Variants in SVOP observed in about 807,000 individuals in gnomAD.
The protein encoded by SVOP is synaptic vesicle 2-related protein.
SVOP carries 17 observed loss-of-function variants against 69.1 expected under a neutral mutation model. The observed-to-expected ratio is 0.25, with a 90% CI of 0.17 to 0.37. The LOEUF (loss-of-function observed/expected upper bound fraction) is 0.37, where lower values mean the gene tolerates loss of function less well. Ranked by LOEUF, SVOP falls within the 10% of genes least tolerant of loss-of-function variation. SVOP has a pLI of 1.00. For synonymous variants in SVOP, 238 were observed against 238.6 expected (o/e 1.00, Z 0.02); for missense variants, 435 against 597.5 (o/e 0.73, Z 2.84).
At chr12:108,973,391 ATTTGTTTG>A (rs922824541) in intron 4 of SVOP, among the ~76,000 whole-genome samples, 2 of 151,662 alleles carry the variant, frequency 1.3e-5, no homozygotes, top group African/African-American at 4.8e-5. Flanking sequence ...TAATTTATTT[ATTTGTTTG>A]TTTGTTTGTT....
At chr12:108,984,380 G>C (rs2040156623) in intron 1 of SVOP, among the ~76,000 whole-genome samples, 1 of 152,164 alleles carries the variant, frequency 6.6e-6, no homozygotes, top group Non-Finnish European at 1.5e-5. Context: ...TCTTGAAAAA[G>C]TAGAATATCT....
At chr12:108,963,054 G>C (rs1185053722) in intron 5 of SVOP, among the ~76,000 whole-genome samples, 1 of 152,134 alleles carries the variant, frequency 6.6e-6, no homozygotes, top group East Asian at 1.9e-4. Context: ...AAAATTAAGA[G>C]TAAACAAATA....
chr12:108,915,837 G>T lies in SVOP; in HGVS notation c.1386C>A (p.Gly462=). The change falls in exon 15 of 16, where the codon GGC becomes GGA. Residue 462 remains glycine, a synonymous_variant. Coordinates refer to ENST00000610966, the MANE Select transcript of SVOP (RefSeq NM_018711.5). Reference sequence around the variant, plus strand: ...CCACTCTTGCCATGCCGCTGCAGGTGCCCAGGCCGAGGGCCCGCGTTGCCG... The same window carrying T: ...CCACTCTTGCCATGCCGCTGCAGGTTCCCAGGCCGAGGGCCCGCGTTGCCG... ...YPTATRALGL[G]TCSGMARVGA... 6.2e-7 allele frequency: 1 copy of T among 1,608,722 alleles called. No homozygotes were observed. Among genetic ancestry groups the T allele is most frequent in the Non-Finnish European group, 8.5e-7 (1 of 1,177,778 alleles).
At chr12:108,942,926 G>T (rs1221257193) in intron 7 of SVOP, among the ~76,000 whole-genome samples, 1 of 151,942 alleles carries the variant, frequency 6.6e-6, no homozygotes, top group African/African-American at 2.4e-5. Context: ...CACCACACCT[G>T]GTTAATTTTT....
chr12:108,952,125 CT>C (rs1205005938), intron 6 of SVOP, among the ~76,000 whole-genome samples: 1 of 151,984 alleles, frequency 6.6e-6, no homozygotes, highest in East Asian at 1.9e-4. Flanking sequence ...AACTGCCTCA[CT>C]GCAGAATCAT....
rs146224666 is a variant in SVOP, at chr12:108,910,003, A to T, written c.*2532T>A. ...GAGATGGAGTCTTGCTCTGTCGCCC[A>T]GGCTGGAGTGCAGTGGCGCGATCTC... On this transcript the variant is annotated 3_prime_UTR_variant, in exon 16 of 16. Transcript: ENST00000610966. The T allele has an allele frequency of 0.071, 10,824 of 152,548 alleles. 432 individuals carry two copies. The highest frequency in any genetic ancestry group is 0.12 in the African/African-American group (4,805 of 41,534). The allele number at this position is 152,548 out of a possible 1,614,324, so 9.4% of individuals were successfully genotyped here. A position where few individuals can be genotyped will look rare whatever the true frequency, so the allele number is the denominator to read the frequency against.
intron 1 of SVOP, among the ~76,000 whole-genome samples, chr12:109,011,994 T>C (rs2040344249): frequency 6.6e-6 from 1 of 151,858 alleles, no homozygotes; most frequent in South Asian, 2.1e-4. Flanking sequence ...AAAAAAAATT[T>C]CAGTTAGGCT....
intron 1 of SVOP, among the ~76,000 whole-genome samples, chr12:109,015,206 C>A (rs1382775741): frequency 6.6e-6 from 1 of 152,054 alleles, no homozygotes; most frequent in East Asian, 1.9e-4. Context: ...GCCTGGCTGG[C>A]ATGGCTGAGG....
chr12:108,967,443 G>A (rs1165480830), intron 5 of SVOP, among the ~76,000 whole-genome samples: 4 of 151,870 alleles, frequency 2.6e-5, no homozygotes, highest in Non-Finnish European at 2.9e-5. Flanking sequence ...AGCTTGCAGT[G>A]AGCCAAGATC....
intron 1 of SVOP, among the ~76,000 whole-genome samples, chr12:109,004,180 A>C (rs1021128177): frequency 1.3e-5 from 2 of 152,154 alleles, no homozygotes; most frequent in Non-Finnish European, 2.9e-5. Flanking sequence ...TAAATATATG[A>C]AGGCTTCAAA....
At chr12:108,916,871 C>T (rs1021074076) in intron 14 of SVOP, among the ~76,000 whole-genome samples, 4 of 152,166 alleles carry the variant, frequency 2.6e-5, no homozygotes, top group South Asian at 2.1e-4. Context: ...AGCCCCACCC[C>T]GAGTAGCTGG....
intron 13 of SVOP, 32 bp downstream of exon 13, chr12:108,919,643 C>A (rs1336428807): frequency 1.9e-6 from 3 of 1,551,426 alleles, no homozygotes; most frequent in South Asian, 2.4e-5. Context: ...CACCTGTGCT[C>A]AAACTCATAC....
At chr12:108,989,681 T>A (rs1021909615) in intron 1 of SVOP, among the ~76,000 whole-genome samples, 22 of 152,190 alleles carry the variant, frequency 1.4e-4, no homozygotes, top group African/African-American at 4.8e-4. Flanking sequence ...GCTACAGTTG[T>A]GAACCAACAC....
At chr12:108,982,055 T>A (rs2040138607) in intron 2 of SVOP, among the ~76,000 whole-genome samples, 1 of 150,416 alleles carries the variant, frequency 6.6e-6, no homozygotes, top group Non-Finnish European at 1.5e-5. Context: ...ATCATCATCG[T>A]CACCATCATA....
intron 6 of SVOP, among the ~76,000 whole-genome samples, chr12:108,951,052 C>T (rs1482643989): frequency 6.6e-6 from 1 of 152,204 alleles, no homozygotes; most frequent in Non-Finnish European, 1.5e-5. Flanking sequence ...CCATTTGGAT[C>T]ACGTGTTTGG....
chr12:108,970,630 G>T (rs553469849), intron 5 of SVOP, among the ~76,000 whole-genome samples: 1 of 152,206 alleles, frequency 6.6e-6, no homozygotes, highest in East Asian at 1.9e-4. Context: ...TCAAAGTATG[G>T]TCCCAAGCAT....
rs1031075244 is a variant in SVOP, at chr12:108,971,111, A to G, written c.453+1294T>C. On this transcript the variant is annotated intron_variant, in intron 5 of 15. Transcript: ENST00000610966. ...CAGGTTCTGTTATTTTCTTCTTTAT[A>G]CGTATTAGGAAATTGATAATCAAAG... 5.3e-5 allele frequency among the ~76,000 whole-genome samples: 8 copies of G among 151,998 alleles called. 1 individual carries two copies. The highest frequency in any genetic ancestry group is 3.4e-3 in the Middle Eastern group (1 of 292).
chr12:109,008,470 T>C (rs2040322086), intron 1 of SVOP, among the ~76,000 whole-genome samples: 1 of 152,202 alleles, frequency 6.6e-6, no homozygotes, highest in South Asian at 2.1e-4. Flanking sequence ...AAATTTTAGT[T>C]CTCTGTGGAT....
chr12:108,929,685 C>T (rs1304956841), intron 11 of SVOP, among the ~76,000 whole-genome samples: 1 of 152,124 alleles, frequency 6.6e-6, no homozygotes, highest in African/African-American at 2.4e-5. Flanking sequence ...CCACTGACTC[C>T]CCCACCCTGC....
Sources: allele counts gnomAD v4.1 joint callset (sites outside exome capture counted in the v4.1 genomes callset), GRCh38; gene constraint gnomAD v4.1.1; transcripts MANE v1.5; gene names NCBI Gene and HGNC (gene_info 2026-07-23, HGNC 2026-07-21).